Variants in SIRT2 observed in about 807,000 individuals in gnomAD.
The protein encoded by SIRT2 is NAD-dependent protein deacetylase sirtuin-2.
A neutral mutation model predicts 57.4 loss-of-function variants in SIRT2; 40 were observed. The observed-to-expected ratio is 0.70, with a 90% CI of 0.54 to 0.91. SIRT2 has a LOEUF of 0.91. SIRT2 is among the 40% of genes least tolerant of loss of function. The probability of loss-of-function intolerance (pLI) is 0.00; values close to 1 mark genes in which losing one functional copy is unlikely to be tolerated. For synonymous variants in SIRT2, 161 were observed against 195.7 expected (o/e 0.82, Z 1.48); for missense variants, 439 against 510.4 (o/e 0.86, Z 1.35).
At position 38,878,908 on chromosome 19, in the gene SIRT2, A is replaced by C. The variant is rs200558662; in HGVS notation, c.*247T>G. The C allele has an allele frequency of 3.7e-5, 17 of 465,104 alleles. No individual in the cohort carries two copies. The highest frequency in any genetic ancestry group is 3.5e-4 in the African/African-American group (17 of 48,970). 28.8% of individuals were successfully genotyped at this position (465,104 alleles called of 1,614,324 possible). ...GATGAGGGAGGTTACTCCTTAGCCC[A>C]GGAGTGGTTAGAGACAGTGGGGCTG... On this transcript the variant is annotated 3_prime_UTR_variant, in exon 16 of 16. Coordinates refer to ENST00000249396, the MANE Select transcript of SIRT2 (RefSeq NM_012237.4).
rs1263176748 is a variant in SIRT2 at position 38,894,044 on chromosome 19, T to C, written c.64-177A>G. ...GGGCTCTGGGACAGGCTGCCGGGGT[T>C]GGAGTCCTGGCCATGCCCGTCCCCA... On this transcript the variant is annotated intron_variant, in intron 2 of 15. Coordinates refer to ENST00000249396, the MANE Select transcript of SIRT2 (RefSeq NM_012237.4). 2.2e-6 allele frequency: 3 copies of C among 1,374,608 alleles called. No homozygotes were observed. In the Admixed American group the frequency reaches 8.4e-5, roughly 38 times the overall value. 85.2% of individuals were successfully genotyped at this position (1,374,608 alleles called of 1,614,324 possible).
intron 3 of SIRT2, 142 bp downstream of exon 3, chr19:38,893,677 C>T: frequency 1.6e-6 from 2 of 1,246,556 alleles, no homozygotes; most frequent in Admixed American, 1.9e-5. Context: ...CAGGAGCCTG[C>T]TCTGGCACTG....
intron 3 of SIRT2, 90 bp downstream of exon 3, chr19:38,893,729 T>C: frequency 6.8e-7 from 1 of 1,468,114 alleles, no homozygotes; most frequent in Non-Finnish European, 9.4e-7. Context: ...TCACTCCTGA[T>C]GGAGTTGAGG....
chr19:38,897,311 G>A (rs1014232999), intron 2 of SIRT2, among the ~76,000 whole-genome samples: 25 of 152,114 alleles, frequency 1.6e-4, no homozygotes, highest in African/African-American at 5.8e-4. Flanking sequence ...TGCCCCCCAG[G>A]TCTTTGCACA....
chr19:38,881,466 G>C lies in SIRT2; in HGVS notation c.657C>G (p.Pro219=). 1 of 1,613,916 alleles carries C rather than the reference G, an allele frequency of 6.2e-7. No homozygotes were observed. Among genetic ancestry groups the C allele is most frequent in the Non-Finnish European group, 8.5e-7 (1 of 1,179,910 alleles). Residue 219 remains proline (P), a synonymous_variant, in exon 10 of 16, where the codon CCC becomes CCG. Transcript: ENST00000249396. ...CCAGGCTCTGACAGTCTTCACACTTGGGCGTCACCTCAGAGAAGATCTTCT... is the reference window on the plus strand; with the variant it reads ...CCAGGCTCTGACAGTCTTCACACTTCGGCGTCACCTCAGAGAAGATCTTCT... ...MKEKIFSEVT[P]KCEDCQSLVK...
intron 2 of SIRT2, chr19:38,894,120 A>T: frequency 3.2e-6 from 2 of 628,652 alleles, no homozygotes; most frequent in Non-Finnish European, 5.3e-6. Flanking sequence ...TTTTTGAGAC[A>T]GTGTCTCGCT....
At chr19:38,887,167 G>A (rs764209203) in intron 8 of SIRT2, among the ~76,000 whole-genome samples, 2 of 152,032 alleles carry the variant, frequency 1.3e-5, no homozygotes, top group Non-Finnish European at 1.5e-5. Context: ...CACATACACC[G>A]TTTCTGACTC....
chr19:38,883,738 G>A lies in SIRT2; in HGVS notation c.520C>T (p.Arg174Ter), dbSNP rs200871138. 7.4e-6 allele frequency: 12 copies of A among 1,614,018 alleles called. No individual in the cohort carries two copies. Among genetic ancestry groups the A allele is most frequent in the African/African-American group, 2.7e-5 (2 of 75,040 alleles). Residue 174 changes from arginine to a stop codon, truncating the protein, a stop_gained, in exon 9 of 16, where the codon CGA (arginine) becomes TGA (stop). Coordinates refer to ENST00000249396, the MANE Select transcript of SIRT2 (RefSeq NM_012237.4). LOFTEE classifies it high-confidence loss of function. ...CYTQNIDTLERIAGLEQEDLV... is the reference protein window; with the variant it reads ...CYTQNIDTLE ...TCCTCCTGTTCCAGCCCGGCTATTC[G>A]CTCCAGGGTATCTATGTTCTAGAGG...
intron 4 of SIRT2, among the ~76,000 whole-genome samples, chr19:38,891,532 G>T (rs1333878557): frequency 6.6e-6 from 1 of 151,984 alleles, no homozygotes; most frequent in Non-Finnish European, 1.5e-5. Context: ...CTGGGTAACA[G>T]AGTGAGACTC....
rs142696644 is a variant in SIRT2, at chr19:38,894,129, C to T, written c.64-262G>A. 4,694 of 570,006 alleles carry T rather than the reference C, an allele frequency of 8.2e-3. 185 individuals carry two copies. Among genetic ancestry groups the T allele is most frequent in the African/African-American group, 0.081 (4,223 of 51,876 alleles). The allele number at this position is 570,006 out of a possible 1,614,324, so 35.3% of individuals were successfully genotyped here. A position where few individuals can be genotyped will look rare whatever the true frequency, so the allele number is the denominator to read the frequency against. On this transcript the variant is annotated intron_variant, in intron 2 of 15. Coordinates refer to ENST00000249396, the MANE Select transcript of SIRT2 (RefSeq NM_012237.4). ...TTTTCTTTTTTGAGACAGTGTCTCG[C>T]TCTGTTGCCCAGGCTGGAGTGCACT...
At position 38,893,836 on chromosome 19, in the gene SIRT2, G is replaced by A. The variant is rs767144427; in HGVS notation, c.95C>T (p.Ala32Val). The A allele has an allele frequency of 1.9e-6, 3 of 1,614,104 alleles. No individual in the cohort carries two copies. The highest frequency in any genetic ancestry group is 3.3e-4 in the Middle Eastern group (2 of 6,062). Residue 32 changes from alanine (A) to valine (V), a missense_variant, in exon 3 of 16, where the codon GCT (alanine) becomes GTT (valine). By Grantham distance (64) the Ala-to-Val change is moderately conservative. Coordinates refer to ENST00000249396, the MANE Select transcript of SIRT2 (RefSeq NM_012237.4). ...ATACTCACTGTCTGCTTCTCCACCA[G>A]CGGCTCCTCCCTCAGAGTCTGAATC... ...DSDSDSEGGAAGGEADMDFLR... is the reference protein window; with the variant it reads ...DSDSDSEGGAVGGEADMDFLR...
intron 4 of SIRT2, among the ~76,000 whole-genome samples, chr19:38,892,321 G>A (rs375082261): frequency 1.2e-3 from 184 of 151,942 alleles, no homozygotes; most frequent in African/African-American, 3.9e-3. Context: ...GCTGGAACCC[G>A]GGAGGTGGAG....
chr19:38,881,325 G>T, intron 10 of SIRT2, 107 bp downstream of exon 10: 1 of 1,213,696 alleles, frequency 8.2e-7, no homozygotes, highest in Non-Finnish European at 1.2e-6. Flanking sequence ...TGTTCAGAGA[G>T]ACAGAGGTGG....
chr19:38,894,036 G>A, intron 2 of SIRT2, 169 bp from the exon 3 acceptor site: 8 of 1,415,740 alleles, frequency 5.7e-6, no homozygotes, highest in Non-Finnish European at 5.6e-6. Context: ...GGGACAGGCT[G>A]CCGGGGTTGG....
In SIRT2 at chr19:38,889,914, T is replaced by C. The variant is rs1300115367; in HGVS notation, c.316A>G (p.Asn106Asp). 6.2e-7 allele frequency: 1 copy of C among 1,614,070 alleles called. No individual in the cohort carries two copies. The highest frequency in any genetic ancestry group is 1.1e-5 in the South Asian group (1 of 91,070). Residue 106 changes from asparagine (N) to aspartate (D), a missense_variant, in exon 6 of 16, where the codon AAC becomes GAC. Coordinates refer to ENST00000249396, the MANE Select transcript of SIRT2 (RefSeq NM_012237.4). ...TAGGGAAGATGGTACTTCTCTAGGTTGTCATAGAGGCCGGTGGATGGAGAG... is the reference window on the plus strand; with the variant it reads ...TAGGGAAGATGGTACTTCTCTAGGTCGTCATAGAGGCCGGTGGATGGAGAG... Reference protein sequence around the residue: ...FRSPSTGLYDNLEKYHLPYPE... With the variant: ...FRSPSTGLYDDLEKYHLPYPE...
intron 1 of SIRT2, among the ~76,000 whole-genome samples, chr19:38,899,134 G>C (rs1369141583): frequency 6.6e-6 from 1 of 152,058 alleles, no homozygotes; most frequent in East Asian, 1.9e-4. Context: ...CGGAACAAGG[G>C]GAAGCCATAG....
chr19:38,894,143 C>T, intron 2 of SIRT2: 1 of 485,338 alleles, frequency 2.1e-6, no homozygotes, highest in South Asian at 2.7e-5. Context: ...GTTGCCCAGG[C>T]TGGAGTGCAC....
intron 7 of SIRT2, 124 bp downstream of exon 7, chr19:38,889,565 C>G (rs1644994139): frequency 9.1e-6 from 10 of 1,100,200 alleles, no homozygotes; most frequent in Non-Finnish European, 1.3e-5. Flanking sequence ...CCGAGGCAGT[C>G]TGGGCCCAGC....
At chr19:38,899,469 G>T (rs777804338) in intron 1 of SIRT2, 37 bp downstream of exon 1, 1 of 1,611,136 alleles carries the variant, frequency 6.2e-7, no homozygotes, top group South Asian at 1.1e-5. Flanking sequence ...CCAGGCCCCG[G>T]CGCGGCCCGA....
Sources: allele counts gnomAD v4.1 joint callset (sites outside exome capture counted in the v4.1 genomes callset), GRCh38; gene constraint gnomAD v4.1.1; transcripts MANE v1.5; gene names NCBI Gene and HGNC (gene_info 2026-07-23, HGNC 2026-07-21).